The following IFITM10 variants were observed in gnomAD, a reference collection of about 807,000 sequenced individuals.
IFITM10 encodes interferon-induced transmembrane protein 10.
A neutral mutation model predicts 19.0 loss-of-function variants in IFITM10; 17 were observed. The observed-to-expected ratio is 0.90, with a 90% CI of 0.61 to 1.34. The LOEUF is 1.34. IFITM10 is among the 40% of genes most tolerant of loss of function. IFITM10 has a pLI of 0.00. For missense variants in IFITM10, 306 were observed against 319.8 expected, an observed-to-expected ratio of 0.96 and a Z score of 0.33; for synonymous variants, 148 against 147.2, an observed-to-expected ratio of 1.01 and a Z score of -0.04.
chr11:1,749,031 G>A (rs112819786), intron 1 of IFITM10: 1 of 1,084,376 alleles, frequency 9.2e-7, no homozygotes, highest in Non-Finnish European at 1.1e-6. Context: ...GCGACTCCTC[G>A]GCGCGCGGCC....
At chr11:1,749,888 C>A (rs1266500251) in intron 1 of IFITM10, among the ~76,000 whole-genome samples, 1 of 152,148 alleles carries the variant, frequency 6.6e-6, no homozygotes, top group East Asian at 1.9e-4. Context: ...TGACTTCACC[C>A]AGCCGGGGCC....
chr11:1,740,385 G>A (rs1157307162), intron 2 of IFITM10, among the ~76,000 whole-genome samples: 1 of 151,940 alleles, frequency 6.6e-6, no homozygotes, highest in African/African-American at 2.4e-5. Context: ...GGGTGAGGGT[G>A]GCTTGGACCA....
intron 2 of IFITM10, among the ~76,000 whole-genome samples, chr11:1,747,159 A>C (rs935702161): frequency 2.0e-5 from 3 of 152,042 alleles, no homozygotes; most frequent in Non-Finnish European, 2.9e-5. Context: ...GTCTCCACGC[A>C]GGGCTTGGCA....
rs1851044970 is a variant in IFITM10 at position 1,733,117 on chromosome 11, G to A, written c.*2163C>T. The A allele has an allele frequency of 6.6e-6, 1 of 152,128 alleles. No individual in the cohort carries two copies. The highest frequency in any genetic ancestry group is 1.5e-5 in the Non-Finnish European group (1 of 68,094). 9.4% of individuals were successfully genotyped at this position (152,128 alleles called of 1,614,324 possible). ...CCCAGGCTTGTCCAGGAAGCCTCTG[G>A]GTCTAATGGTGCAAGCATCCGAAGT... On this transcript the variant is annotated 3_prime_UTR_variant, in exon 3 of 3. Transcript: ENST00000340134. This position sits in a 1 kb window ranked among gnomAD's most constrained non-coding sequence, Gnocchi z 6.3.
In IFITM10 at chr11:1,735,032, A is replaced by G. The variant is rs1851070212; in HGVS notation, c.*248T>C. 1 of 518,962 alleles carries G rather than the reference A, an allele frequency of 1.9e-6. No homozygotes were observed. Among genetic ancestry groups the G allele is most frequent in the African/African-American group, 1.9e-5 (1 of 51,618 alleles). 32.1% of individuals were successfully genotyped at this position (518,962 alleles called of 1,614,324 possible). On this transcript the variant is annotated 3_prime_UTR_variant, in exon 3 of 3. Transcript: ENST00000340134. ...AGCCAGGGTGCAGCAGCGAGGGGAG[A>G]AGCCCCCAGGCCCCAGACACAGGCA...
At position 1,749,030 on chromosome 11, in the gene IFITM10, C is replaced by T. The variant is rs751097601; in HGVS notation, c.85-911G>A. ...GCCTCCTCACCTACAAGCGACTCCT[C>T]GGCGCGCGGCCGGACCCCCTGAGCC... is the stretch of plus-strand genomic sequence containing the variant. On this transcript the variant is annotated intron_variant, in intron 1 of 2. Coordinates refer to ENST00000340134, the MANE Select transcript of IFITM10 (RefSeq NM_001170820.4). 9 of 1,083,746 alleles carry T rather than the reference C, an allele frequency of 8.3e-6. No individual in the cohort carries two copies. The South Asian group carries it at 1.5e-4, about 18-fold the overall frequency. 67.1% of individuals were successfully genotyped at this position (1,083,746 alleles called of 1,614,324 possible).
chr11:1,743,923 C>T (rs959279953), intron 2 of IFITM10, among the ~76,000 whole-genome samples: 1 of 152,014 alleles, frequency 6.6e-6, no homozygotes, highest in Admixed American at 6.5e-5. Context: ...GTTTTCAAAC[C>T]CGTTCACCGC....
chr11:1,734,617 C>T lies in IFITM10; in HGVS notation c.*663G>A, dbSNP rs552253354. On this transcript the variant is annotated 3_prime_UTR_variant, in exon 3 of 3. Coordinates refer to ENST00000340134, the MANE Select transcript of IFITM10 (RefSeq NM_001170820.4). Reference sequence around the variant, plus strand: ...TCTAAGTGACTCGAGTTTGGGGTACCTCCACCAAATGCCCCCCCTTCCCAT... The same window carrying T: ...TCTAAGTGACTCGAGTTTGGGGTACTTCCACCAAATGCCCCCCCTTCCCAT... 1 of 152,418 alleles carries T rather than the reference C, an allele frequency of 6.6e-6. No individual in the cohort carries two copies. The highest frequency in any genetic ancestry group is 2.1e-4 in the South Asian group (1 of 4,814). The allele number at this position is 152,418 out of a possible 1,614,324, so 9.4% of individuals were successfully genotyped here.
At chr11:1,748,272 C>T in intron 1 of IFITM10, 153 bp from the exon 2 acceptor site, 1 of 534,390 alleles carries the variant, frequency 1.9e-6, no homozygotes, top group Non-Finnish European at 2.9e-6. Context: ...CCACCCGCCC[C>T]GGGCCTCGGC....
In IFITM10 at chr11:1,735,230, A is replaced by G. The variant is rs373857218; in HGVS notation, c.*50T>C. On this transcript the variant is annotated 3_prime_UTR_variant, in exon 3 of 3. Coordinates refer to ENST00000340134, the MANE Select transcript of IFITM10 (RefSeq NM_001170820.4). ...ATCCTGCGTTTCAGGGACCATGAGAATAAACATGTCTCAGTGCTTGTCTCC... is the reference window on the plus strand; with the variant it reads ...ATCCTGCGTTTCAGGGACCATGAGAGTAAACATGTCTCAGTGCTTGTCTCC... 30 of 1,536,936 alleles carry G rather than the reference A, an allele frequency of 2.0e-5. No individual in the cohort carries two copies. In the African/African-American group the frequency reaches 4.0e-4, roughly 20 times the overall value.
chr11:1,743,962 C>T (rs1172345693), intron 2 of IFITM10, among the ~76,000 whole-genome samples: 2 of 152,216 alleles, frequency 1.3e-5, no homozygotes, highest in African/African-American at 4.8e-5. Context: ...CCAGGAATGT[C>T]TTCCATCTCC....
chr11:1,747,584 G>A (rs1845665447), intron 2 of IFITM10, 83 bp downstream of exon 2: 1 of 1,246,512 alleles, frequency 8.0e-7, no homozygotes, highest in Admixed American at 2.1e-5. Context: ...GAGGGAGAGG[G>A]GCCGAGCGCC....
At chr11:1,749,996 C>G (rs117626062) in intron 1 of IFITM10, among the ~76,000 whole-genome samples, 37 of 152,234 alleles carry the variant, frequency 2.4e-4, no homozygotes, top group Admixed American at 9.8e-4. Context: ...TGTCCCGTTC[C>G]GAGCTCTGGT....
In IFITM10 at chr11:1,735,273, G is replaced by A. The variant is rs1344694358; in HGVS notation, c.*7C>T. On this transcript the variant is annotated 3_prime_UTR_variant, in exon 3 of 3. Transcript: ENST00000340134. The stretch of plus-strand genomic sequence containing the variant: ...TTGTCTCCGCCAGCAGCCGTGCCTG[G>A]CGGGCCTTAGTAGTCGGTGAGGGGG... 6.4e-7 allele frequency: 1 copy of A among 1,551,498 alleles called. No individual in the cohort carries two copies.
At position 1,734,981 on chromosome 11, in the gene IFITM10, G is replaced by T. The variant is rs973932578; in HGVS notation, c.*299C>A. 6 of 413,432 alleles carry T rather than the reference G, an allele frequency of 1.5e-5. No homozygotes were observed. Among genetic ancestry groups the T allele is most frequent in the Non-Finnish European group, 2.2e-5 (5 of 230,434 alleles). 25.6% of individuals were successfully genotyped at this position (413,432 alleles called of 1,614,324 possible). A position where few individuals can be genotyped will look rare whatever the true frequency, so the allele number is the denominator to read the frequency against. On this transcript the variant is annotated 3_prime_UTR_variant, in exon 3 of 3. Transcript: ENST00000340134. ...GCCCCAGGAGCCTGGGAAGGGGCAC[G>T]TGAGGGCAGGGACACAGACGCTGGA...
rs187663006 is a variant in IFITM10 at position 1,737,454 on chromosome 11, C to T, written c.538-2025G>A. ...TGACTGGATTTCAATCCTGATTCTG[C>T]GGGTCGTAGACTGTACAGCCTTAGG... On this transcript the variant is annotated intron_variant, in intron 2 of 2. Coordinates refer to ENST00000340134, the MANE Select transcript of IFITM10 (RefSeq NM_001170820.4). Among the ~76,000 whole-genome samples, 276 of 152,310 alleles carry T rather than the reference C, an allele frequency of 1.8e-3. 2 individuals are homozygous for T. Among genetic ancestry groups the T allele is most frequent in the African/African-American group, 6.4e-3 (264 of 41,562 alleles).
intron 2 of IFITM10, among the ~76,000 whole-genome samples, chr11:1,741,758 TGTTATG>T (rs1409536503): frequency 1.3e-5 from 2 of 152,046 alleles, no homozygotes; most frequent in Admixed American, 6.5e-5. Context: ...GAAAGGGCAA[TGTTATG>T]GTTTGACTGT....
intron 2 of IFITM10, among the ~76,000 whole-genome samples, chr11:1,743,407 G>T (rs1845594452): frequency 6.6e-6 from 1 of 151,394 alleles, no homozygotes; most frequent in South Asian, 2.1e-4. Flanking sequence ...TGGATAGACG[G>T]ATGGATGGAG....
In IFITM10 at chr11:1,746,827, C is replaced by G. The variant is rs540649269; in HGVS notation, c.537+840G>C. On this transcript the variant is annotated intron_variant, in intron 2 of 2. Transcript: ENST00000340134. ...GGGGAAATGTGATGATGAGGCTAAA[C>G]GTGAGCCAAGCCCTTCCTTCCGGTG... The G allele has an allele frequency of 1.1e-4, 43 of 398,672 alleles. 1 individual carries two copies. In the South Asian group the frequency reaches 3.8e-3, roughly 35 times the overall value. The allele number at this position is 398,672 out of a possible 1,614,324, so 24.7% of individuals were successfully genotyped here.
Sources: allele counts gnomAD v4.1 joint callset (sites outside exome capture counted in the v4.1 genomes callset), GRCh38; gene constraint gnomAD v4.1.1; non-coding constraint Gnocchi (gnomAD v3.1); transcripts MANE v1.5; gene names NCBI Gene and HGNC (gene_info 2026-07-23, HGNC 2026-07-21).